The following ZFYVE26 variants were observed in gnomAD, a reference collection of about 807,000 sequenced individuals.
ZFYVE26 encodes zinc finger FYVE-type containing 26, also known as zinc finger FYVE domain-containing protein 26.
Under a neutral mutation model 276.5 loss-of-function variants are expected in ZFYVE26, and 181 were observed. The ratio of observed to expected loss-of-function variants is 0.65; its 90% CI spans 0.58 to 0.74. The LOEUF (loss-of-function observed/expected upper bound fraction) is 0.74, where lower values mean the gene tolerates loss of function less well. ZFYVE26 is among the 30% of genes least tolerant of loss of function. The pLI is 0.00. For synonymous variants in ZFYVE26, 1,129 were observed against 1,203.1 expected, an observed-to-expected ratio of 0.94 and a Z score of 1.27; for missense variants, 2,821 against 3,097.9, an observed-to-expected ratio of 0.91 and a Z score of 2.12.
At chr14:67,730,194 C>T (rs1056057134) in intron 13 of ZFYVE26, among the ~76,000 whole-genome samples, 14 of 152,238 alleles carry the variant, frequency 9.2e-5, no homozygotes, top group East Asian at 1.9e-4. Context: ...GAAACTGAGG[C>T]GCAAGATAAT....
intron 13 of ZFYVE26, chr14:67,735,405 T>C (rs1437764969): frequency 1.5e-6 from 1 of 656,396 alleles, no homozygotes; most frequent in Non-Finnish European, 2.8e-6. Context: ...CAGAAAAGAC[T>C]TGCCGCAAGT....
chr14:67,735,083 G>A (rs540585521), intron 13 of ZFYVE26: 10 of 723,544 alleles, frequency 1.4e-5, no homozygotes, highest in South Asian at 5.8e-5. Context: ...ACCAAATATC[G>A]GGAAGCTGAG....
intron 24 of ZFYVE26, 87 bp from the exon 25 acceptor site, chr14:67,777,822 G>A: frequency 6.5e-7 from 1 of 1,542,712 alleles, no homozygotes; most frequent in Non-Finnish European, 9.0e-7. Flanking sequence ...GAATATTTAG[G>A]TTTACTCATT....
chr14:67,772,598 AG>A lies in ZFYVE26; in HGVS notation c.5321-389del, dbSNP rs112792562. Among the ~76,000 whole-genome samples, 83 of 152,284 alleles carry A rather than the reference AG, an allele frequency of 5.5e-4. 1 individual carries two copies. The Middle Eastern group carries it at 0.017, about 31-fold the overall frequency. On this transcript the variant is annotated intron_variant, in intron 27 of 41. Coordinates refer to ENST00000347230, the MANE Select transcript of ZFYVE26 (RefSeq NM_015346.4). ...ACTCCTCCACAAATAAAAAAGAGGT[AG>A]GGGGGATAAACAAGAAAAGAGGCAG...
chr14:67,801,837 T>A (rs1463127554), intron 10 of ZFYVE26, among the ~76,000 whole-genome samples: 1 of 152,236 alleles, frequency 6.6e-6, no homozygotes, highest in Non-Finnish European at 1.5e-5. Context: ...ATATAGTTTT[T>A]AAAAAAGCGT....
rs368231190 is a variant in ZFYVE26, at chr14:67,805,568, G to A, written c.1068C>T (p.Cys356=). The part of the protein sequence containing the change: ...LKEEDFPNLG[C]LLDREFRPLS... ...GGGGCCTGAATTCTCTATCAAGTAG[G>A]CAGCCAAGATTTGGGAAGTCTTCTT... Residue 356 remains cysteine, a synonymous_variant, in exon 7 of 42, where the codon TGC becomes TGT. Transcript: ENST00000347230. The A allele has an allele frequency of 7.7e-5, 125 of 1,614,104 alleles. No homozygotes were observed. The highest frequency in any genetic ancestry group is 9.9e-5 in the Non-Finnish European group (117 of 1,180,048).
rs573155919 is a variant in ZFYVE26 at position 67,816,553 on chromosome 14, C to G, written c.-103G>C. ...ACTCACCTGCTCCCGGCGCCCAAAG[C>G]AATAGAGCTCTCAGCGCAGCCATGT... On this transcript the variant is annotated 5_prime_UTR_variant, in exon 1 of 42. Coordinates refer to ENST00000347230, the MANE Select transcript of ZFYVE26 (RefSeq NM_015346.4). 1.3e-5 allele frequency: 2 copies of G among 152,538 alleles called. No individual in the cohort carries two copies. The highest frequency in any genetic ancestry group is 6.5e-5 in the Admixed American group (1 of 15,320). The allele number at this position is 152,538 out of a possible 1,614,324, so 9.4% of individuals were successfully genotyped here.
chr14:67,753,119 C>G (rs1594883193), intron 39 of ZFYVE26, among the ~76,000 whole-genome samples: 1 of 152,202 alleles, frequency 6.6e-6, no homozygotes, highest in Admixed American at 6.5e-5. Context: ...CCATTGATCA[C>G]TGACACACTC....
At chr14:67,775,391 G>A (rs1359552387) in intron 26 of ZFYVE26, among the ~76,000 whole-genome samples, 4 of 152,214 alleles carry the variant, frequency 2.6e-5, no homozygotes, top group Admixed American at 6.5e-5. Flanking sequence ...AGTGGAAGAC[G>A]TTGAAATGAT....
At position 67,806,658 on chromosome 14, in the gene ZFYVE26, C is replaced by T; in HGVS notation, c.904G>A (p.Asp302Asn). ...AGGGCTAGCATTGCCCGCTCAGGAT[C>T]TAGATGATCCGGTGAGACTGAACAT... Reference protein sequence around the residue: ...ASGKVSPDHLDPERAMLALFS... With the variant: ...ASGKVSPDHLNPERAMLALFS... Residue 302 changes from aspartate to asparagine, a missense_variant, in exon 6 of 42, where the codon GAT becomes AAT. Asp to Asn is a conservative substitution (Grantham distance 23). Coordinates refer to ENST00000347230, the MANE Select transcript of ZFYVE26 (RefSeq NM_015346.4). The T allele has an allele frequency of 1.2e-6, 2 of 1,614,166 alleles. No homozygotes were observed. Among genetic ancestry groups the T allele is most frequent in the Non-Finnish European group, 1.7e-6 (2 of 1,180,030 alleles).
rs1162039948 is a variant in ZFYVE26 at position 67,789,230 on chromosome 14, A to G, written c.3019+105T>C. 4.6e-6 allele frequency: 7 copies of G among 1,508,876 alleles called. No individual in the cohort carries two copies. In the Admixed American group the frequency reaches 1.2e-4, roughly 25 times the overall value. The allele number at this position is 1,508,876 out of a possible 1,614,324, so 93.5% of individuals were successfully genotyped here. Reference sequence around the variant, plus strand: ...GACAAAATTTCATAATCCATTCACCATCTGCCTCCTCCAATAACTGCTTTC... The same window carrying G: ...GACAAAATTTCATAATCCATTCACCGTCTGCCTCCTCCAATAACTGCTTTC... On this transcript the variant is annotated intron_variant, in intron 16 of 41. Coordinates refer to ENST00000347230, the MANE Select transcript of ZFYVE26 (RefSeq NM_015346.4).
At position 67,786,202 on chromosome 14, in the gene ZFYVE26, A is replaced by G. The variant is rs138895639; in HGVS notation, c.3051T>C (p.Ala1017=). Residue 1017 remains alanine (A), a synonymous_variant, in exon 17 of 42, where the codon GCT becomes GCC. Coordinates refer to ENST00000347230, the MANE Select transcript of ZFYVE26 (RefSeq NM_015346.4). ...CAACTGGAAAACCTCGAATGCCATC[A>G]GCATTTAGGAGTACGTGGTCTATCC... is the stretch of plus-strand genomic sequence containing the variant. ...GRRIDHVLLN[A]DGIRGFPVVL... 5.1e-4 allele frequency: 824 copies of G among 1,603,192 alleles called. 2 individuals carry two copies. The highest frequency in any genetic ancestry group is 4.1e-3 in the Middle Eastern group (25 of 6,034).
At chr14:67,785,014 C>T in intron 19 of ZFYVE26, 45 bp downstream of exon 19, 1 of 1,598,934 alleles carries the variant, frequency 6.3e-7, no homozygotes, top group Non-Finnish European at 8.6e-7. Flanking sequence ...GCCCTGAACA[C>T]TTGCAGGTCT....
At chr14:67,755,879 G>A (rs1432415336) in intron 36 of ZFYVE26, 69 bp downstream of exon 36, 35 of 1,581,696 alleles carry the variant, frequency 2.2e-5, no homozygotes, top group Non-Finnish European at 2.7e-5. Flanking sequence ...TTCCCTCATC[G>A]TGCACTGCCT....
At chr14:67,790,443 T>C in intron 15 of ZFYVE26, 129 bp downstream of exon 15, 2 of 1,036,272 alleles carry the variant, frequency 1.9e-6, no homozygotes, top group South Asian at 1.3e-5. Flanking sequence ...TTTGCTGTTT[T>C]TCAAGGCAGG....
rs181850118 is a variant in ZFYVE26 at position 67,815,447 on chromosome 14, C to T, written c.194+323G>A. 5.1e-5 allele frequency: 19 copies of T among 372,118 alleles called. No individual in the cohort carries two copies. The East Asian group carries it at 7.7e-4, about 15-fold the overall frequency. The allele number at this position is 372,118 out of a possible 1,614,324, so 23.1% of individuals were successfully genotyped here. ...TTCAATCTCATAAGCAAGAAGAGAG[C>T]AGGGTTTGCTTTTTTGGAGGCAAAG... On this transcript the variant is annotated intron_variant, in intron 2 of 41. Transcript: ENST00000347230.
chr14:67,741,743 CACT>C (rs1279937387), downstream of ZFYVE26, among the ~76,000 whole-genome samples: 5 of 152,204 alleles, frequency 3.3e-5, no homozygotes, highest in Admixed American at 1.3e-4. Context: ...TTGCCCAAAG[CACT>C]ACTATTTGAA....
At chr14:67,814,882 G>A (rs1310345618) in intron 2 of ZFYVE26, among the ~76,000 whole-genome samples, 1 of 152,148 alleles carries the variant, frequency 6.6e-6, no homozygotes, top group Non-Finnish European at 1.5e-5. Flanking sequence ...TCGTATATGT[G>A]CTAATACAAT....
chr14:67,809,397 G>C, intron 3 of ZFYVE26, 108 bp from the exon 4 acceptor site: 3 of 600,380 alleles, frequency 5.0e-6, no homozygotes, highest in Non-Finnish European at 5.6e-6. Flanking sequence ...ATTTCTCTAA[G>C]ATGAAGCACT....
Sources: allele counts gnomAD v4.1 joint callset (sites outside exome capture counted in the v4.1 genomes callset), GRCh38; gene constraint gnomAD v4.1.1; transcripts MANE v1.5; gene names NCBI Gene and HGNC (gene_info 2026-07-23, HGNC 2026-07-21).